The following FOXK2 variants were observed in gnomAD, a reference collection of about 807,000 sequenced individuals.
FOXK2 encodes forkhead box K2.
A neutral mutation model predicts 53.3 loss-of-function variants in FOXK2; 24 were observed. That is an observed-to-expected ratio of 0.45 (90% CI 0.33 to 0.63). The LOEUF (loss-of-function observed/expected upper bound fraction) is 0.63, where lower values mean the gene tolerates loss of function less well. Ranked by LOEUF, FOXK2 falls within the 30% of genes least tolerant of loss-of-function variation. The probability of loss-of-function intolerance (pLI) is 0.03; values close to 1 mark genes in which losing one functional copy is unlikely to be tolerated. For synonymous variants in FOXK2, 505 were observed against 407.1 expected (o/e 1.24, Z -2.89); for missense variants, 952 against 910.5 (o/e 1.05, Z -0.59).
intron 8 of FOXK2, among the ~76,000 whole-genome samples, chr17:82,588,813 G>A (rs2045223848): frequency 6.6e-6 from 1 of 151,502 alleles, no homozygotes; most frequent in South Asian, 2.1e-4. Flanking sequence ...CACTTTGGGA[G>A]GTCGAGGTGG....
intron 1 of FOXK2, among the ~76,000 whole-genome samples, chr17:82,523,558 C>T (rs56075787): frequency 0.18 from 27,387 of 151,014 alleles, 2,746 homozygotes; most frequent in Non-Finnish European, 0.23. Context: ...TTGCAACCTC[C>T]GCTTCCTGGG....
intron 8 of FOXK2, among the ~76,000 whole-genome samples, chr17:82,591,964 C>T (rs1406205154): frequency 4.6e-5 from 7 of 152,192 alleles, no homozygotes; most frequent in African/African-American, 1.4e-4. Context: ...AGTGCAGTGC[C>T]GAGATCTCAA....
Position 82,601,974 on chromosome 17 carries a change from T to G in FOXK2, c.*475T>G. On this transcript the variant is annotated 3_prime_UTR_variant, in exon 9 of 9. Coordinates refer to ENST00000335255, the MANE Select transcript of FOXK2 (RefSeq NM_004514.4). ...TGGGGTCTTGGGCATTTCACATCAC[T>G]CCATTTCTACTGAGACTTTCAGAAT... 1 of 154,274 alleles carries G rather than the reference T, an allele frequency of 6.5e-6. No homozygotes were observed. 9.6% of individuals were successfully genotyped at this position (154,274 alleles called of 1,614,324 possible). A position where few individuals can be genotyped will look rare whatever the true frequency, so the allele number is the denominator to read the frequency against.
rs2044624735 is a variant in FOXK2 at position 82,546,267 on chromosome 17, C to T, written c.420-17087C>T. 2.0e-5 allele frequency among the ~76,000 whole-genome samples: 3 copies of T among 151,854 alleles called. No individual in the cohort carries two copies. The South Asian group carries it at 6.3e-4, about 32-fold the overall frequency. On this transcript the variant is annotated intron_variant, in intron 1 of 8. Transcript: ENST00000335255. ...GAGGAGCTGGGATTACAGGTGCCTG[C>T]CACCACTCCCGCCTAATTTTTGTAT...
intron 4 of FOXK2, among the ~76,000 whole-genome samples, chr17:82,573,549 C>T (rs1196136496): frequency 1.4e-3 from 147 of 106,108 alleles, no homozygotes; most frequent in African/African-American, 5.2e-3. Context: ...CTCTCTCTCT[C>T]TCTCTCTCTC....
At chr17:82,576,717 C>G in intron 4 of FOXK2, 1 of 965,498 alleles carries the variant, frequency 1.0e-6, no homozygotes, top group Non-Finnish European at 1.6e-6. Flanking sequence ...TTTTTCTGCT[C>G]TGTAGTCCAA....
At chr17:82,562,022 GACAT>G (rs1273766390) in intron 1 of FOXK2, among the ~76,000 whole-genome samples, 1 of 152,242 alleles carries the variant, frequency 6.6e-6, no homozygotes, top group Non-Finnish European at 1.5e-5. Context: ...GTTGTTTGTG[GACAT>G]ACAAATAGGC....
intron 1 of FOXK2, among the ~76,000 whole-genome samples, chr17:82,547,832 C>T (rs983704007): frequency 7.9e-5 from 12 of 152,152 alleles, no homozygotes; most frequent in African/African-American, 1.9e-4. Context: ...CCTCCCCTCC[C>T]GTAGAAGTGT....
At chr17:82,581,685 C>T (rs2045062789) in intron 4 of FOXK2, among the ~76,000 whole-genome samples, 1 of 152,142 alleles carries the variant, frequency 6.6e-6, no homozygotes, top group Non-Finnish European at 1.5e-5. Flanking sequence ...CCGTGTTTGC[C>T]AGGATGGTCT....
chr17:82,536,952 A>G (rs2044526300), intron 1 of FOXK2, among the ~76,000 whole-genome samples: 1 of 152,254 alleles, frequency 6.6e-6, no homozygotes, highest in African/African-American at 2.4e-5. Context: ...TGTGTCAGTC[A>G]GACTCCAGAC....
Position 82,587,282 on chromosome 17 carries a change from G to A in FOXK2, c.1786+10G>A. 6.2e-7 allele frequency: 1 copy of A among 1,608,232 alleles called. No individual in the cohort carries two copies. Among genetic ancestry groups the A allele is most frequent in the Non-Finnish European group, 8.5e-7 (1 of 1,175,836 alleles). On this transcript the variant is annotated intron_variant, in intron 8 of 8. Coordinates refer to ENST00000335255, the MANE Select transcript of FOXK2 (RefSeq NM_004514.4). ...GGCCAGGTGAACAATGGTAAGACATGCTGGTCGGTGGCTCCCCGTGGCTGT... is the reference window on the plus strand; with the variant it reads ...GGCCAGGTGAACAATGGTAAGACATACTGGTCGGTGGCTCCCCGTGGCTGT...
chr17:82,583,068 G>T, intron 5 of FOXK2, 134 bp downstream of exon 5: 1 of 672,362 alleles, frequency 1.5e-6, no homozygotes, highest in Non-Finnish European at 2.3e-6. Flanking sequence ...GGGGATTTGA[G>T]CAAAAGTGTT....
Position 82,561,736 on chromosome 17 carries a change from CT to C in FOXK2, c.420-1616del, listed in dbSNP as rs2044795935. On this transcript the variant is annotated intron_variant, in intron 1 of 8. Transcript: ENST00000335255. ...CCCCGGCTAGAGGGTTGGGAAGTGT[CT>C]TCTTGGAGACGTCCCTGAAGCGGGA... Among the ~76,000 whole-genome samples the C allele has an allele frequency of 3.3e-5, 5 of 152,324 alleles. No homozygotes were observed. The South Asian group carries it at 1.0e-3, about 32-fold the overall frequency.
chr17:82,600,371 AAAGAGTCAGTGCTGGATTCTC>A (rs1215167534), intron 8 of FOXK2: 1 of 152,216 alleles, frequency 6.6e-6, no homozygotes, highest in Non-Finnish European at 1.5e-5. Context: ...AACCCCGGGG[AAAGAGTCAGTGCTGGATTCTC>A]AAGAGTCCAG....
intron 1 of FOXK2, among the ~76,000 whole-genome samples, chr17:82,542,758 C>T (rs2044586823): frequency 6.6e-6 from 1 of 152,102 alleles, no homozygotes; most frequent in Non-Finnish European, 1.5e-5. Context: ...GATGCAGTGG[C>T]TCATGCCCAG....
rs978443627 is a variant in FOXK2, at chr17:82,585,983, T to A, written c.1359T>A (p.Thr453=). The A allele has an allele frequency of 1.9e-6, 3 of 1,612,768 alleles. No individual in the cohort carries two copies. The highest frequency in any genetic ancestry group is 2.5e-6 in the Non-Finnish European group (3 of 1,179,952). ...LPQAIKPVTY[T]VATPVTTSTS... The stretch of plus-strand genomic sequence containing the variant: ...AGGCCATCAAGCCTGTCACCTACAC[T>A]GTGGCCACCCCAGTGACCACCTCGA... Residue 453 remains threonine, a synonymous_variant, in exon 7 of 9, where the codon ACT becomes ACA. Coordinates refer to ENST00000335255, the MANE Select transcript of FOXK2 (RefSeq NM_004514.4).
chr17:82,584,558 T>A lies in FOXK2; in HGVS notation c.1279+370T>A, dbSNP rs1398949156. Among the ~76,000 whole-genome samples, 20 of 50,068 alleles carry A rather than the reference T, an allele frequency of 4.0e-4. 1 individual carries two copies. The South Asian group carries it at 0.01, about 26-fold the overall frequency. The allele number at this position is 50,068 out of a possible 152,430, so 32.8% of individuals were successfully genotyped here. ...GAAGCAAAAACATGTCCTTTTTTTT[T>A]TTTTTTTTTTTTTTTTGAGACAGAG... On this transcript the variant is annotated intron_variant, in intron 6 of 8. Transcript: ENST00000335255.
intron 1 of FOXK2, among the ~76,000 whole-genome samples, chr17:82,524,080 A>G (rs1488234213): frequency 6.6e-6 from 1 of 150,384 alleles, no homozygotes; most frequent in Non-Finnish European, 1.5e-5. Flanking sequence ...GTAGCAACAG[A>G]GTTTCACCAT....
chr17:82,588,820 G>A (rs4789702), intron 8 of FOXK2, among the ~76,000 whole-genome samples: 63,019 of 150,120 alleles, frequency 0.42, 14,287 homozygotes, highest in Middle Eastern at 0.57. Context: ...GGAGGTCGAG[G>A]TGGGTGGATC....
Sources: allele counts gnomAD v4.1 joint callset (sites outside exome capture counted in the v4.1 genomes callset), GRCh38; gene constraint gnomAD v4.1.1; transcripts MANE v1.5; gene names NCBI Gene and HGNC (gene_info 2026-07-23, HGNC 2026-07-21).